Variants in GGCT observed in about 807,000 individuals in gnomAD.
The protein encoded by GGCT is cytochrome c-releasing factor 21.
A neutral mutation model predicts 22.1 loss-of-function variants in GGCT; 20 were observed. That is an observed-to-expected ratio of 0.91 (90% CI 0.64 to 1.32). The LOEUF is 1.32. Among genes scored for constraint, GGCT ranks in the 40% most tolerant of loss-of-function variants. The probability of loss-of-function intolerance (pLI) is 0.00; values close to 1 mark genes in which losing one functional copy is unlikely to be tolerated. For missense variants in GGCT, 209 were observed against 223.5 expected (o/e 0.94, Z 0.41); for synonymous variants, 72 against 78.4 (o/e 0.92, Z 0.43).
intron 1 of GGCT, among the ~76,000 whole-genome samples, chr7:30,502,589 A>C (rs1789729543): frequency 6.6e-6 from 1 of 152,162 alleles, no homozygotes; most frequent in Admixed American, 6.5e-5. Flanking sequence ...AAAATGTTCA[A>C]ACTGAACTTA....
rs1272276332 is a variant in GGCT, at chr7:30,496,932, T to G, written c.*160A>C. Reference sequence around the variant, plus strand: ...ATTGTCTAACTCCTATCCCAGTTTCTTTTTATAGTCTAAAAACAAGGAATC... The same window carrying G: ...ATTGTCTAACTCCTATCCCAGTTTCGTTTTATAGTCTAAAAACAAGGAATC... On this transcript the variant is annotated 3_prime_UTR_variant, in exon 4 of 4. Coordinates refer to ENST00000275428, the MANE Select transcript of GGCT (RefSeq NM_024051.4). 2.1e-6 allele frequency: 1 copy of G among 477,922 alleles called. No homozygotes were observed. The highest frequency in any genetic ancestry group is 3.6e-6 in the Non-Finnish European group (1 of 275,448). 29.6% of individuals were successfully genotyped at this position (477,922 alleles called of 1,614,324 possible).
chr7:30,500,716 C>T (rs1442289594), intron 1 of GGCT, 35 bp from the exon 2 acceptor site: 3 of 1,570,116 alleles, frequency 1.9e-6, no homozygotes, highest in East Asian at 2.3e-5. Context: ...GATCAATATC[C>T]ACTTGAATCC....
chr7:30,497,187 C>G lies in GGCT; in HGVS notation c.472G>C (p.Glu158Gln). The G allele has an allele frequency of 1.9e-6, 3 of 1,611,902 alleles. No individual in the cohort carries two copies. The highest frequency in any genetic ancestry group is 2.5e-6 in the Non-Finnish European group (3 of 1,178,608). ...TTTGGTTCTATTGCTTTTAACTTCT[C>G]TTGATACTCCAGCGGCAAACCATTT... ...KENGLPLEYQ[E>Q]KLKAIEPNDY... The change falls in exon 4 of 4, where the codon GAG (glutamate) becomes CAG (glutamine). Residue 158 changes from glutamate (E) to glutamine (Q), a missense_variant. Coordinates refer to ENST00000275428, the MANE Select transcript of GGCT (RefSeq NM_024051.4).
At chr7:30,501,187 A>G (rs906496859) in intron 1 of GGCT, among the ~76,000 whole-genome samples, 6 of 152,186 alleles carry the variant, frequency 3.9e-5, no homozygotes, top group African/African-American at 1.4e-4. Context: ...TATGAACACT[A>G]ATACTCACGA....
intron 1 of GGCT, among the ~76,000 whole-genome samples, chr7:30,502,826 C>A (rs1789734325): frequency 6.6e-6 from 1 of 152,240 alleles, no homozygotes; most frequent in Non-Finnish European, 1.5e-5. Context: ...GCAAAAACTT[C>A]TTGAACTCTC....
At position 30,496,859 on chromosome 7, in the gene GGCT, C is replaced by T. The variant is rs1789545690; in HGVS notation, c.*233G>A. 3.2e-6 allele frequency: 1 copy of T among 317,426 alleles called. No homozygotes were observed. Among genetic ancestry groups the T allele is most frequent in the Non-Finnish European group, 5.7e-6 (1 of 174,800 alleles). 19.7% of individuals were successfully genotyped at this position (317,426 alleles called of 1,614,324 possible). ...GCTTTCAGTGTTCACAGAAGGGGTACTCACATTCATTTGTCACATATTTCA... is the reference window on the plus strand; with the variant it reads ...GCTTTCAGTGTTCACAGAAGGGGTATTCACATTCATTTGTCACATATTTCA... On this transcript the variant is annotated 3_prime_UTR_variant, in exon 4 of 4. Coordinates refer to ENST00000275428, the MANE Select transcript of GGCT (RefSeq NM_024051.4).
intron 1 of GGCT, among the ~76,000 whole-genome samples, chr7:30,504,180 C>T (rs1747268681): frequency 1.3e-5 from 2 of 152,338 alleles, no homozygotes; most frequent in Middle Eastern, 6.8e-3. Flanking sequence ...TTTCACAATG[C>T]CAGGTGAGAA....
chr7:30,504,483 TG>T, intron 1 of GGCT, 85 bp downstream of exon 1: 3 of 1,493,560 alleles, frequency 2.0e-6, no homozygotes, highest in African/African-American at 2.7e-5. Context: ...ACTGCATTCC[TG>T]GCCCGATCGG....
chr7:30,498,005 G>GAATATATATATATATATA, intron 3 of GGCT: 1 of 140,944 alleles, frequency 7.1e-6, no homozygotes, highest in Non-Finnish European at 1.6e-5. Context: ...CATTACAAAA[G>GAATATATATATATATATA]CATATATATA....
rs58105855 is a variant in GGCT at position 30,503,781 on chromosome 7, C to CTT, written c.141+786_141+787dup. On this transcript the variant is annotated intron_variant, in intron 1 of 3. Coordinates refer to ENST00000275428, the MANE Select transcript of GGCT (RefSeq NM_024051.4). Reference sequence around the variant, plus strand: ...CTCTCCAATAGCCTTTCAACACATTCTTTTTTTTTTTTTTTTTTTTTTTTT... The same window carrying CTT: ...CTCTCCAATAGCCTTTCAACACATTCTTTTTTTTTTTTTTTTTTTTTTTTTTT... 9.0e-4 allele frequency among the ~76,000 whole-genome samples: 62 copies of CTT among 68,600 alleles called. 2 individuals carry two copies. The highest frequency in any genetic ancestry group is 1.7e-3 in the African/African-American group (26 of 15,744). The allele number at this position is 68,600 out of a possible 152,430, so 45.0% of individuals were successfully genotyped here.
chr7:30,504,626 T>G lies in GGCT; in HGVS notation c.84A>C (p.Thr28=). The G allele has an allele frequency of 1.2e-6, 2 of 1,614,148 alleles. No individual in the cohort carries two copies. The highest frequency in any genetic ancestry group is 1.7e-6 in the Non-Finnish European group (2 of 1,179,980). The change falls in exon 1 of 4, where the codon ACA becomes ACC. Residue 28 remains threonine (T), a synonymous_variant. Coordinates refer to ENST00000275428, the MANE Select transcript of GGCT (RefSeq NM_024051.4). ...LYFAYGSNLL[T]ERIHLRNPSA... The stretch of plus-strand genomic sequence containing the variant: ...AGGGGTTTCGGAGGTGGATCCTCTC[T>G]GTCAGCAGGTTGCTGCCGTAGGCAA...
rs933187147 is a variant in GGCT at position 30,504,828 on chromosome 7, G to T, written c.-119C>A. ...GCCGCGCGGCAGCCTCAGGGTTAGG[G>T]GACTGGCGGGAAGCGTGGGCCGGTC... On this transcript the variant is annotated 5_prime_UTR_variant, in exon 1 of 4. Coordinates refer to ENST00000275428, the MANE Select transcript of GGCT (RefSeq NM_024051.4). 3.0e-6 allele frequency: 3 copies of T among 1,013,776 alleles called. No individual in the cohort carries two copies. The highest frequency in any genetic ancestry group is 2.8e-5 in the South Asian group (2 of 70,344). 62.8% of individuals were successfully genotyped at this position (1,013,776 alleles called of 1,614,324 possible).
Position 30,504,620 on chromosome 7 carries a change from C to A in GGCT, c.90G>T (p.Arg30Ser). The A allele has an allele frequency of 1.2e-6, 2 of 1,614,120 alleles. No homozygotes were observed. The highest frequency in any genetic ancestry group is 8.5e-7 in the Non-Finnish European group (1 of 1,179,972). ...CCGCCGAGGGGTTTCGGAGGTGGAT[C>A]CTCTCTGTCAGCAGGTTGCTGCCGT... Reference protein sequence around the residue: ...FAYGSNLLTERIHLRNPSAAF... With the variant: ...FAYGSNLLTESIHLRNPSAAF... Residue 30 changes from arginine (R) to serine (S), a missense_variant, in exon 1 of 4, where the codon AGG becomes AGT. Arg to Ser is a moderately radical substitution (Grantham distance 110). Coordinates refer to ENST00000275428, the MANE Select transcript of GGCT (RefSeq NM_024051.4).
intron 1 of GGCT, among the ~76,000 whole-genome samples, chr7:30,501,366 G>C (rs1789698595): frequency 6.6e-6 from 1 of 152,158 alleles, no homozygotes; most frequent in African/African-American, 2.4e-5. Context: ...GGGAGGCCGT[G>C]GCGGGTGGAT....
At chr7:30,498,975 C>T (rs748052303) in intron 2 of GGCT, 37 bp from the exon 3 acceptor site, 31 of 1,609,766 alleles carry the variant, frequency 1.9e-5, no homozygotes, top group Non-Finnish European at 2.6e-5. Context: ...CCACATTTGA[C>T]CTAGCCAATT....
chr7:30,501,070 G>T (rs1273235773), intron 1 of GGCT, among the ~76,000 whole-genome samples: 8 of 152,018 alleles, frequency 5.3e-5, no homozygotes, highest in Non-Finnish European at 1.2e-4. Context: ...GCTACATGTG[G>T]GTTATAATAT....
chr7:30,497,413 T>C (rs1789573187), intron 3 of GGCT, 178 bp from the exon 4 acceptor site: 1 of 458,068 alleles, frequency 2.2e-6, no homozygotes. Flanking sequence ...TGAGCATGAA[T>C]GTGTATGGAG....
Position 30,500,627 on chromosome 7 carries a change from C to T in GGCT, c.196G>A (p.Gly66Arg). 6.2e-7 allele frequency: 1 copy of T among 1,613,780 alleles called. No homozygotes were observed. The highest frequency in any genetic ancestry group is 8.5e-7 in the Non-Finnish European group (1 of 1,179,692). The change falls in exon 2 of 4, where the codon GGA (glycine) becomes AGA (arginine). Residue 66 changes from glycine (G) to arginine (R), a missense_variant. Physicochemically the swap from Gly to Arg is moderately radical, Grantham distance 125 (BLOSUM62 -2). Transcript: ENST00000275428. ...CTCTGAAAAATGGTGGCTATCCCTCCATGCCAAGTTTGACTTGTTTTGCCT... is the reference window on the plus strand; with the variant it reads ...CTCTGAAAAATGGTGGCTATCCCTCTATGCCAAGTTTGACTTGTTTTGCCT... The part of the protein sequence containing the change: ...SQGKTSQTWH[G>R]GIATIFQSPG...
intron 2 of GGCT, among the ~76,000 whole-genome samples, chr7:30,499,848 T>TC (rs397745079): frequency 1.3e-5 from 2 of 151,958 alleles, no homozygotes; most frequent in Non-Finnish European, 2.9e-5. Context: ...GTTTTTTTTT[T>TC]CAACTTTATA....
Sources: allele counts gnomAD v4.1 joint callset (sites outside exome capture counted in the v4.1 genomes callset), GRCh38; gene constraint gnomAD v4.1.1; transcripts MANE v1.5; gene names NCBI Gene and HGNC (gene_info 2026-07-23, HGNC 2026-07-21).